TRAIP: variants seen among roughly 807,000 people sequenced by gnomAD.
TRAIP encodes the protein E3 ubiquitin-protein ligase TRAIP.
In TRAIP, 37 loss-of-function variants were observed where a neutral mutation model predicts 65.0. The observed-to-expected ratio is 0.57, with a 90% CI of 0.44 to 0.75. TRAIP has a LOEUF of 0.75. TRAIP is among the 30% of genes least tolerant of loss of function. TRAIP has a pLI of 0.00. For missense variants in TRAIP, 481 were observed against 579.4 expected, an observed-to-expected ratio of 0.83 and a Z score of 1.74; for synonymous variants, 187 against 219.1, an observed-to-expected ratio of 0.85 and a Z score of 1.29.
chr3:49,841,713 C>T, intron 7 of TRAIP, 113 bp downstream of exon 7: 1 of 767,994 alleles, frequency 1.3e-6, no homozygotes, highest in Non-Finnish European at 2.2e-6. Flanking sequence ...GGCAGCATGG[C>T]TCCAGAGTTT....
intron 11 of TRAIP, among the ~76,000 whole-genome samples, chr3:49,830,367 T>A (rs1407380086): frequency 6.6e-6 from 1 of 152,200 alleles, no homozygotes. Context: ...CACCTCACCA[T>A]GTCCCAGGCT....
chr3:49,832,422 A>G (rs905200021), intron 10 of TRAIP, among the ~76,000 whole-genome samples: 16 of 150,848 alleles, frequency 1.1e-4, no homozygotes, highest in African/African-American at 3.9e-4. Flanking sequence ...CTCGGGAGGC[A>G]GAGCTTGCGG....
intron 10 of TRAIP, among the ~76,000 whole-genome samples, chr3:49,837,479 C>G (rs534288304): frequency 6.6e-6 from 1 of 152,116 alleles, no homozygotes; most frequent in Admixed American, 6.5e-5. Flanking sequence ...AACAAACCAA[C>G]AAACAAACCA....
chr3:49,845,532 T>C (rs570371472), intron 3 of TRAIP, among the ~76,000 whole-genome samples: 2 of 152,350 alleles, frequency 1.3e-5, no homozygotes, highest in Non-Finnish European at 2.9e-5. Context: ...CCTAGGACTC[T>C]GGGGGCAAGA....
At chr3:49,829,567 AT>A (rs753660683) in intron 13 of TRAIP, 49 bp downstream of exon 13, 10 of 1,613,926 alleles carry the variant, frequency 6.2e-6, no homozygotes, top group Non-Finnish European at 8.5e-6. Context: ...CTGGCCACCC[AT>A]TTCTACCCAA....
At position 49,837,956 on chromosome 3, in the gene TRAIP, C is replaced by T. The variant is rs184376744; in HGVS notation, c.884+1816G>A. ...GGAGTGCAGTGGCACAATCATAGCT[C>T]GACTCTTGGGCTCAAGTGATCCTCC... On this transcript the variant is annotated intron_variant, in intron 10 of 14. Transcript: ENST00000331456. 2.7e-3 allele frequency among the ~76,000 whole-genome samples: 405 copies of T among 152,034 alleles called. 1 individual carries two copies. The highest frequency in any genetic ancestry group is 4.7e-3 in the Non-Finnish European group (322 of 67,972).
intron 1 of TRAIP, among the ~76,000 whole-genome samples, chr3:49,852,764 A>G (rs1381735444): frequency 1.9e-5 from 2 of 106,270 alleles, no homozygotes; most frequent in Non-Finnish European, 4.2e-5. Context: ...CAAAAAAAAA[A>G]GAAAGAAAGA....
At chr3:49,830,947 G>A (rs1264632222) in intron 11 of TRAIP, among the ~76,000 whole-genome samples, 3 of 152,228 alleles carry the variant, frequency 2.0e-5, no homozygotes, top group African/African-American at 7.2e-5. Flanking sequence ...GGCCATGAAG[G>A]TGGTGGAAAT....
chr3:49,849,316 ATT>A (rs2081911776), intron 1 of TRAIP, among the ~76,000 whole-genome samples: 1 of 151,304 alleles, frequency 6.6e-6, no homozygotes. Context: ...AATCAAAAAA[ATT>A]TTTTTAATTA....
At chr3:49,832,482 T>C (rs2081742938) in intron 10 of TRAIP, among the ~76,000 whole-genome samples, 1 of 124,358 alleles carries the variant, frequency 8.0e-6, no homozygotes, top group Admixed American at 8.4e-5. Context: ...AGAGCAAGAC[T>C]CCGTCTCAGG....
At chr3:49,848,333 G>A (rs2081903098) in intron 1 of TRAIP, 133 bp from the exon 2 acceptor site, 2 of 922,266 alleles carry the variant, frequency 2.2e-6, no homozygotes, top group South Asian at 3.0e-5. Flanking sequence ...TAAGAGGACA[G>A]TAGCATAGGC....
chr3:49,843,859 G>A lies in TRAIP; in HGVS notation c.350C>T (p.Thr117Ile), dbSNP rs750030419. ...LRDTLEERNATVVSLQQALGK... is the reference protein window; with the variant it reads ...LRDTLEERNAIVVSLQQALGK... ...CAAGGCCTGCTGCAGAGATACCACA[G>A]TAGCATTGCGTTCTTCCAGCGTATC... Residue 117 changes from threonine (T) to isoleucine (I), a missense_variant, in exon 5 of 15, where the codon ACT becomes ATT. Thr to Ile is a moderately conservative substitution (Grantham distance 89). Coordinates refer to ENST00000331456, the MANE Select transcript of TRAIP (RefSeq NM_005879.3). 1.2e-6 allele frequency: 2 copies of A among 1,613,986 alleles called. No homozygotes were observed. The highest frequency in any genetic ancestry group is 1.7e-6 in the Non-Finnish European group (2 of 1,179,824).
At position 49,830,050 on chromosome 3, in the gene TRAIP, G is replaced by A. The variant is rs754282137; in HGVS notation, c.1056C>T (p.Val352=). 49 of 1,614,164 alleles carry A rather than the reference G, an allele frequency of 3.0e-5. No individual in the cohort carries two copies. The highest frequency in any genetic ancestry group is 4.1e-5 in the Non-Finnish European group (48 of 1,180,012). ...LEKSHSPIQD[V]PKKICKGPRK... ...TGGGGCCTTTGCATATCTTCTTGGG[G>A]ACATCCTGAATTGGGGAGCTACAAG... Residue 352 remains valine, a synonymous_variant, in exon 12 of 15, where the codon GTC becomes GTT. Transcript: ENST00000331456.
chr3:49,839,201 A>G (rs905852405), intron 10 of TRAIP, among the ~76,000 whole-genome samples: 6 of 139,588 alleles, frequency 4.3e-5, no homozygotes, highest in East Asian at 2.1e-4. Context: ...AAGAAAAAGG[A>G]AAAAAAAAAA....
chr3:49,832,187 AC>A (rs2081740221), intron 10 of TRAIP, 119 bp from the exon 11 acceptor site: 27 of 1,197,172 alleles, frequency 2.3e-5, no homozygotes, highest in Non-Finnish European at 2.9e-5. Flanking sequence ...ACTCAAGGCC[AC>A]CCCTCAAGAG....
chr3:49,852,988 G>A (rs143664120), intron 1 of TRAIP, among the ~76,000 whole-genome samples: 2 of 151,420 alleles, frequency 1.3e-5, no homozygotes, highest in African/African-American at 4.8e-5. Flanking sequence ...CGGGCATGAT[G>A]ACACGTGCCT....
intron 10 of TRAIP, among the ~76,000 whole-genome samples, chr3:49,834,049 T>G (rs1575390885): frequency 6.6e-6 from 1 of 152,170 alleles, no homozygotes; most frequent in Non-Finnish European, 1.5e-5. Flanking sequence ...AAAGCTCCCC[T>G]TTCCAGAACA....
At chr3:49,833,702 C>A (rs1194453144) in intron 10 of TRAIP, among the ~76,000 whole-genome samples, 5 of 152,084 alleles carry the variant, frequency 3.3e-5, no homozygotes, top group Non-Finnish European at 5.9e-5. Flanking sequence ...GATGGTCTCG[C>A]TCTCCTGACC....
intron 10 of TRAIP, among the ~76,000 whole-genome samples, chr3:49,835,887 C>T (rs920102222): frequency 2.0e-4 from 29 of 147,492 alleles, no homozygotes; most frequent in Admixed American, 7.5e-4. Flanking sequence ...TGAAGTGAGC[C>T]GAGATCGTGC....
Sources: gnomAD v4.1 joint callset for allele counts (sites outside exome capture counted in the v4.1 genomes callset) on GRCh38, gnomAD v4.1.1 for gene constraint, MANE v1.5 for transcripts, NCBI Gene and HGNC (gene_info 2026-07-23, HGNC 2026-07-21) for gene names.